The following PDE1B variants were observed in gnomAD, a reference collection of about 807,000 sequenced individuals.
The protein encoded by PDE1B is phosphodiesterase 1B.
Under a neutral mutation model 66.7 loss-of-function variants are expected in PDE1B, and 13 were observed. The ratio of observed to expected loss-of-function variants is 0.19; its 90% CI spans 0.13 to 0.31. The LOEUF (loss-of-function observed/expected upper bound fraction) is 0.31, where lower values mean the gene tolerates loss of function less well. Among genes scored for constraint, PDE1B ranks in the 10% least tolerant of loss-of-function variants. The pLI is 1.00. For missense variants in PDE1B, 485 were observed against 682.3 expected, an observed-to-expected ratio of 0.71 and a Z score of 3.22; for synonymous variants, 230 against 253.9, an observed-to-expected ratio of 0.91 and a Z score of 0.90.
At chr12:54,553,942 C>A (rs1957311367) in intron 2 of PDE1B, among the ~76,000 whole-genome samples, 1 of 152,104 alleles carries the variant, frequency 6.6e-6, no homozygotes, top group Admixed American at 6.6e-5. Flanking sequence ...GGGGACAGAG[C>A]TCCATGAAGA....
In PDE1B at chr12:54,569,046, G is replaced by A; in HGVS notation, c.228-138G>A. On this transcript the variant is annotated intron_variant, in intron 3 of 15. Transcript: ENST00000243052. This position sits in a 1 kb window ranked among gnomAD's most constrained non-coding sequence, Gnocchi z 4.4. ...TTAGATAAAGAAATAAAAAGATATA[G>A]AGAAAGAAAGGAAACAGGGTTGAAG... 1 of 1,401,330 alleles carries A rather than the reference G, an allele frequency of 7.1e-7. No homozygotes were observed. The highest frequency in any genetic ancestry group is 9.5e-7 in the Non-Finnish European group (1 of 1,052,788). The allele number at this position is 1,401,330 out of a possible 1,614,324, so 86.8% of individuals were successfully genotyped here.
Position 54,569,092 on chromosome 12 carries a change from T to G in PDE1B, c.228-92T>G. On this transcript the variant is annotated intron_variant, in intron 3 of 15. Coordinates refer to ENST00000243052, the MANE Select transcript of PDE1B (RefSeq NM_000924.4). This position sits in a 1 kb window ranked among gnomAD's most constrained non-coding sequence, Gnocchi z 4.4. ...TGAAGACAGAGAGCTGGCATGAGAG[T>G]TACTAAATGTGGGGTATGGCTGGGT... 6.8e-7 allele frequency: 1 copy of G among 1,477,058 alleles called. No homozygotes were observed. The highest frequency in any genetic ancestry group is 9.0e-7 in the Non-Finnish European group (1 of 1,112,696). 91.5% of individuals were successfully genotyped at this position (1,477,058 alleles called of 1,614,324 possible). A position where few individuals can be genotyped will look rare whatever the true frequency, so the allele number is the denominator to read the frequency against.
chr12:54,561,462 C>T, intron 2 of PDE1B: 1 of 1,297,530 alleles, frequency 7.7e-7, no homozygotes, highest in Non-Finnish European at 9.8e-7. Context: ...TGGTCAGTTG[C>T]TCAGTTCTAC....
chr12:54,576,480 TG>T, intron 13 of PDE1B, 90 bp from the exon 14 acceptor site: 1 of 1,488,068 alleles, frequency 6.7e-7, no homozygotes, highest in Non-Finnish European at 9.3e-7. Flanking sequence ...AACCTTCTCC[TG>T]GTCTTCCATG....
chr12:54,561,485 G>A (rs1489090785), intron 2 of PDE1B: 6 of 1,375,282 alleles, frequency 4.4e-6, no homozygotes, highest in Middle Eastern at 2.7e-4. Flanking sequence ...GGACCTGGAG[G>A]AGGAAGGCAG....
chr12:54,573,911 G>GTGTGTT lies in PDE1B; in HGVS notation c.1064+203_1064+204insGTGTTT. ...TGTGTGTGTGTGTGTGTGTGTGTGT[G>GTGTGTT]TCCTTACGTTTACTCACAGCCTTGG... On this transcript the variant is annotated intron_variant, in intron 10 of 15. Transcript: ENST00000243052. The surrounding 1 kb of genome is among the most constrained non-coding windows in gnomAD (Gnocchi z 5.2). The GTGTGTT allele has an allele frequency of 2.0e-6, 1 of 509,290 alleles. No individual in the cohort carries two copies. The highest frequency in any genetic ancestry group is 3.5e-6 in the Non-Finnish European group (1 of 283,662). 31.5% of individuals were successfully genotyped at this position (509,290 alleles called of 1,614,324 possible).
intron 2 of PDE1B, chr12:54,550,275 C>T: frequency 1.6e-6 from 2 of 1,249,580 alleles, no homozygotes; most frequent in Non-Finnish European, 2.0e-6. Flanking sequence ...ACAGTATATG[C>T]AGTGTGGCAG....
intron 2 of PDE1B, among the ~76,000 whole-genome samples, chr12:54,553,495 T>A (rs1345979685): frequency 1.3e-5 from 2 of 152,214 alleles, no homozygotes; most frequent in Admixed American, 1.3e-4. Context: ...GGGACCCCAC[T>A]GGGGATTATT....
rs1957597671 is a variant in PDE1B, at chr12:54,570,538, A to G, written c.594+181A>G. ...TCACTTGCTGCAGTCTTAGTTCCAG[A>G]CTTCATTAATTGATTTCTAGGGGGA... On this transcript the variant is annotated intron_variant, in intron 6 of 15. Transcript: ENST00000243052. The G allele has an allele frequency of 8.6e-6, 5 of 579,092 alleles. 1 individual carries two copies. The South Asian group carries it at 1.1e-4, about 12-fold the overall frequency. The allele number at this position is 579,092 out of a possible 1,614,324, so 35.9% of individuals were successfully genotyped here.
At chr12:54,552,281 C>T (rs899479039) in intron 2 of PDE1B, among the ~76,000 whole-genome samples, 3 of 152,106 alleles carry the variant, frequency 2.0e-5, no homozygotes, top group African/African-American at 7.2e-5. Context: ...AGATGTTCCC[C>T]CTTTTAAGTG....
Position 54,576,600 on chromosome 12 carries a change from T to G in PDE1B, c.1406T>G (p.Val469Gly), listed in dbSNP as rs142239113. 5.6e-6 allele frequency: 9 copies of G among 1,613,894 alleles called. No homozygotes were observed. Among genetic ancestry groups the G allele is most frequent in the Non-Finnish European group, 6.8e-6 (8 of 1,180,010 alleles). The change falls in exon 14 of 16, where the codon GTG becomes GGG. Residue 469 changes from valine to glycine, a missense_variant. Physicochemically the swap from Val to Gly is moderately radical, Grantham distance 109. This residue lies in a region of PDE1B where 126 missense variants were observed against 133.8 expected (regional missense o/e 0.94). Coordinates refer to ENST00000243052, the MANE Select transcript of PDE1B (RefSeq NM_000924.4). The stretch of plus-strand genomic sequence containing the variant: ...CAGTGGCGCCAGCCCTCTCTGGATG[T>G]GGAAGTGGGAGACCCCAACCCTGAT... ...SFQWRQPSLD[V>G]EVGDPNPDVV... is the part of the protein sequence containing the mutation.
intron 6 of PDE1B, chr12:54,570,871 T>G (rs1028947698): frequency 1.3e-5 from 2 of 153,512 alleles, no homozygotes; most frequent in Non-Finnish European, 2.9e-5. Context: ...GCTCTTCAGC[T>G]TGTCTGGATG....
chr12:54,563,007 G>A (rs1412487529), intron 2 of PDE1B, among the ~76,000 whole-genome samples: 1 of 152,176 alleles, frequency 6.6e-6, no homozygotes, highest in Non-Finnish European at 1.5e-5. Flanking sequence ...CAGGCTCACT[G>A]TTATTTTTAG....
chr12:54,566,187 G>T (rs1241366994), intron 2 of PDE1B, among the ~76,000 whole-genome samples: 2 of 152,146 alleles, frequency 1.3e-5, no homozygotes, highest in Non-Finnish European at 2.9e-5. Flanking sequence ...GTTCCTTCAG[G>T]CAAAACATCC....
chr12:54,556,753 C>T (rs556050191), intron 2 of PDE1B, among the ~76,000 whole-genome samples: 6 of 152,034 alleles, frequency 3.9e-5, no homozygotes, highest in Non-Finnish European at 8.8e-5. Flanking sequence ...TCAGTTGATT[C>T]CACAGCTGCA....
At chr12:54,567,340 CAA>C (rs36106145) in intron 3 of PDE1B, among the ~76,000 whole-genome samples, 1 of 132,906 alleles carries the variant, frequency 7.5e-6, no homozygotes. Flanking sequence ...CCTGTCTCTA[CAA>C]AAAAAAAAAA....
At chr12:54,550,094 C>T in intron 2 of PDE1B, 109 bp downstream of exon 2, 5 of 1,474,590 alleles carry the variant, frequency 3.4e-6, no homozygotes, top group Non-Finnish European at 4.5e-6. Flanking sequence ...CTCTTTGGCA[C>T]AGATGTTGGC....
intron 3 of PDE1B, among the ~76,000 whole-genome samples, chr12:54,567,846 A>G (rs937120616): frequency 7.5e-6 from 1 of 133,100 alleles, no homozygotes; most frequent in African/African-American, 3.2e-5. Context: ...TAAGATATTC[A>G]TATATATATA....
chr12:54,558,231 G>T (rs1957365258), intron 2 of PDE1B, among the ~76,000 whole-genome samples: 1 of 151,578 alleles, frequency 6.6e-6, no homozygotes, highest in Non-Finnish European at 1.5e-5. Context: ...TTTCCTCCCT[G>T]CCCCCTTAAT....
Sources: gnomAD v4.1 joint callset for allele counts (sites outside exome capture counted in the v4.1 genomes callset) on GRCh38, gnomAD v4.1.1 for gene constraint, gnomAD v4.1.1 regional missense constraint, Gnocchi (gnomAD v3.1) non-coding constraint, MANE v1.5 for transcripts, NCBI Gene and HGNC (gene_info 2026-07-23, HGNC 2026-07-21) for gene names.